ARHGAP4: variants seen among roughly 807,000 people sequenced by gnomAD.
The protein encoded by ARHGAP4 is rho GTPase-activating protein 4.
In ARHGAP4, 25 loss-of-function variants were observed where a neutral mutation model predicts 67.6. The observed-to-expected ratio is 0.37, with a 90% CI of 0.27 to 0.52. The LOEUF (loss-of-function observed/expected upper bound fraction) is 0.52, where lower values mean the gene tolerates loss of function less well. Ranked by LOEUF, ARHGAP4 falls within the 20% of genes least tolerant of loss-of-function variation. The pLI is 0.92. For synonymous variants in ARHGAP4, 448 were observed against 373.7 expected, an observed-to-expected ratio of 1.20 and a Z score of -2.29; for missense variants, 804 against 854.6, an observed-to-expected ratio of 0.94 and a Z score of 0.74.
intron 20 of ARHGAP4, 85 bp from the exon 21 acceptor site, chrX:153,909,254 G>C: frequency 2.1e-6 from 2 of 961,580 alleles, no homozygotes; most frequent in East Asian, 6.7e-5. Flanking sequence ...CTGGGGTGTG[G>C]CCAAGGAAAG....
intron 20 of ARHGAP4, 50 bp downstream of exon 20, chrX:153,909,392 TG>T: frequency 9.1e-7 from 1 of 1,095,743 alleles, no homozygotes; most frequent in Non-Finnish European, 1.2e-6. Flanking sequence ...CAGTCCCCTC[TG>T]GCCTAGAACA....
intron 20 of ARHGAP4, 79 bp downstream of exon 20, chrX:153,909,364 C>G (rs200205320): frequency 1.9e-5 from 13 of 692,706 alleles, no homozygotes; most frequent in Non-Finnish European, 2.5e-5. Context: ...CCCACTCCCA[C>G]TGGCCAAAGC....
chrX:153,921,252 C>A, intron 3 of ARHGAP4, 93 bp from the exon 4 acceptor site: 5 of 1,176,404 alleles, frequency 4.3e-6, no homozygotes, highest in Non-Finnish European at 5.7e-6. Flanking sequence ...ATCGGGGGGG[C>A]ACACAGGTTC....
chrX:153,919,658 G>A (rs2065079010), intron 5 of ARHGAP4: 3 of 1,166,407 alleles, frequency 2.6e-6, no homozygotes, highest in Non-Finnish European at 3.4e-6. Flanking sequence ...ACAGCTGGAA[G>A]CGGCCACAGG....
chrX:153,919,164 G>A lies in ARHGAP4; in HGVS notation c.801C>T (p.Asp267=). The A allele has an allele frequency of 2.5e-6, 3 of 1,212,110 alleles. No homozygotes were observed. Among genetic ancestry groups the A allele is most frequent in the African/African-American group, 3.5e-5 (2 of 57,898 alleles). Residue 267 remains aspartate (D), a synonymous_variant, in exon 6 of 22, where the codon GAC becomes GAT. Transcript: ENST00000350060. Reference sequence around the variant, plus strand: ...CCCACCAAGGACTCACGTCCATGAGGTCCAAGACGTCATGCAGGTAGTAGT... The same window carrying A: ...CCCACCAAGGACTCACGTCCATGAGATCCAAGACGTCATGCAGGTAGTAGT... ...VSNYYLHDVL[D]LMDCCDTGFH... is the part of the protein sequence containing the mutation.
chrX:153,919,567 C>G (rs1557104810), intron 5 of ARHGAP4: 1 of 1,158,088 alleles, frequency 8.6e-7, no homozygotes, highest in Admixed American at 2.7e-5. Flanking sequence ...TCACAGATAC[C>G]TGATGAGTGG....
In ARHGAP4 at chrX:153,907,877, G is replaced by T; in HGVS notation, c.2693C>A (p.Thr898Asn). ...GCTTCGGGGCCCAGGACTGGGAGAGGTGGTAGATGCTGGCCCAAGGCCCTG... is the reference window on the plus strand; with the variant it reads ...GCTTCGGGGCCCAGGACTGGGAGAGTTGGTAGATGCTGGCCCAAGGCCCTG... ...VRQGLGPASTTSPSPGPRSPK... is the reference protein window; with the variant it reads ...VRQGLGPASTNSPSPGPRSPK... The change falls in exon 22 of 22, where the codon ACC becomes AAC. Residue 898 changes from threonine (T) to asparagine (N), a missense_variant. Coordinates refer to ENST00000350060, the MANE Select transcript of ARHGAP4 (RefSeq NM_001666.5). The T allele has an allele frequency of 1.9e-6, 2 of 1,049,918 alleles. No homozygotes were observed. The highest frequency in any genetic ancestry group is 1.2e-6 in the Non-Finnish European group (1 of 811,188). The allele number at this position is 1,049,918 out of a possible 1,213,427, so 86.5% of individuals were successfully genotyped here.
At chrX:153,916,779 A>C (rs145484537) in intron 7 of ARHGAP4, among the ~76,000 whole-genome samples, 3 of 113,316 alleles carry the variant, frequency 2.6e-5, no homozygotes, top group African/African-American at 9.6e-5. Context: ...GAACAGGAGA[A>C]AACAAAAAAC....
At chrX:153,916,396 G>A (rs782214046) in intron 7 of ARHGAP4, among the ~76,000 whole-genome samples, 2 of 113,108 alleles carry the variant, frequency 1.8e-5, no homozygotes, top group Non-Finnish European at 3.7e-5. Context: ...GGCTCCCCAC[G>A]GAGCAGGGCT....
At position 153,909,766 on chromosome X, in the gene ARHGAP4, G is replaced by A. The variant is rs1557102328; in HGVS notation, c.2389C>T (p.His797Tyr). The stretch of plus-strand genomic sequence containing the variant: ...CCGGCGGGCAGCGTGATATACTTGT[G>A]GGGGATGAGGCCCCGCATGCCGTTG... Reference protein sequence around the residue: ...EHNGMRGLIPHKYITLPAGTE... With the variant: ...EHNGMRGLIPYKYITLPAGTE... Residue 797 changes from histidine to tyrosine, a missense_variant, in exon 19 of 22, where the codon CAC (histidine) becomes TAC (tyrosine). By Grantham distance (83) the His-to-Tyr change is moderately conservative. Around this residue, in one of 2 missense-constraint regions of ARHGAP4, gnomAD observed 400 missense variants for 348.7 expected, o/e 1.15. Coordinates refer to ENST00000350060, the MANE Select transcript of ARHGAP4 (RefSeq NM_001666.5). 1.7e-6 allele frequency: 2 copies of A among 1,200,235 alleles called. No individual in the cohort carries two copies.
intron 5 of ARHGAP4, 144 bp downstream of exon 5, chrX:153,920,482 G>T: frequency 2.9e-6 from 2 of 691,843 alleles, no homozygotes; most frequent in Non-Finnish European, 4.1e-6. Flanking sequence ...GGAGCCTTCC[G>T]TATGGAATCC....
In ARHGAP4 at chrX:153,907,924, G is replaced by C; in HGVS notation, c.2646C>G (p.Leu882=). ...AQNMDSVFKE[L]LGKTSVRQGL... is the part of the protein sequence containing the mutation. ...CCTGGCGGACAGAGGTCTTTCCCAA[G>C]AGCTCCTTAAACACAGAGTCCATGT... is the stretch of plus-strand genomic sequence containing the variant. Residue 882 remains leucine (L), a synonymous_variant, in exon 22 of 22, where the codon CTC becomes CTG. Coordinates refer to ENST00000350060, the MANE Select transcript of ARHGAP4 (RefSeq NM_001666.5). 1 of 1,078,976 alleles carries C rather than the reference G, an allele frequency of 9.3e-7. No individual in the cohort carries two copies. The highest frequency in any genetic ancestry group is 1.2e-6 in the Non-Finnish European group (1 of 827,059). The allele number at this position is 1,078,976 out of a possible 1,213,427, so 88.9% of individuals were successfully genotyped here.
In ARHGAP4 at chrX:153,907,919, C is replaced by T. The variant is rs1557101646; in HGVS notation, c.2651G>A (p.Gly884Glu). 7.4e-6 allele frequency: 8 copies of T among 1,075,568 alleles called. No individual in the cohort carries two copies. The South Asian group carries it at 2.2e-4, about 29-fold the overall frequency. 88.6% of individuals were successfully genotyped at this position (1,075,568 alleles called of 1,213,427 possible). ...AAGGCCCTGGCGGACAGAGGTCTTT[C>T]CCAAGAGCTCCTTAAACACAGAGTC... ...NMDSVFKELLGKTSVRQGLGP... is the reference protein window; with the variant it reads ...NMDSVFKELLEKTSVRQGLGP... Residue 884 changes from glycine (G) to glutamate (E), a missense_variant, in exon 22 of 22, where the codon GGA (glycine) becomes GAA (glutamate). By Grantham distance (98) the Gly-to-Glu change is moderately conservative. Transcript: ENST00000350060.
In ARHGAP4 at chrX:153,926,229, C is replaced by G. The variant is rs782597567; in HGVS notation, c.-27G>C. ...GCGGCCTCGCGGCCGCGCCGTCGAA[C>G]CCCACTGCTCCCACGCGGCCGTGAG... On this transcript the variant is annotated 5_prime_UTR_variant, in exon 1 of 22. Coordinates refer to ENST00000350060, the MANE Select transcript of ARHGAP4 (RefSeq NM_001666.5). 83 of 1,145,692 alleles carry G rather than the reference C, an allele frequency of 7.2e-5. No homozygotes were observed. In the African/African-American group the frequency reaches 1.5e-3, roughly 21 times the overall value. The allele number at this position is 1,145,692 out of a possible 1,213,427, so 94.4% of individuals were successfully genotyped here.
chrX:153,908,113 C>G (rs1399895546), intron 21 of ARHGAP4, 151 bp from the exon 22 acceptor site: 2 of 363,945 alleles, frequency 5.5e-6, no homozygotes, highest in Non-Finnish European at 4.5e-6. Flanking sequence ...CCACTTTGCA[C>G]CTGGCATCCC....
In ARHGAP4 at chrX:153,910,254, G is replaced by A. The variant is rs782034668; in HGVS notation, c.2073C>T (p.Pro691=). 110 of 1,209,138 alleles carry A rather than the reference G, an allele frequency of 9.1e-5. No homozygotes were observed. Among genetic ancestry groups the A allele is most frequent in the Non-Finnish European group, 1.1e-4 (102 of 894,956 alleles). ...NQLVQTLIVQ[P]DRVFPPLTSL... ...AGGTCAGGGGCGGGAAGACCCGATCGGGCTGCACTATGAGCGTCTGCACCA... is the reference window on the plus strand; with the variant it reads ...AGGTCAGGGGCGGGAAGACCCGATCAGGCTGCACTATGAGCGTCTGCACCA... The change falls in exon 17 of 22, where the codon CCC becomes CCT. Residue 691 remains proline, a synonymous_variant. Coordinates refer to ENST00000350060, the MANE Select transcript of ARHGAP4 (RefSeq NM_001666.5).
intron 5 of ARHGAP4, 37 bp from the exon 6 acceptor site, chrX:153,919,320 C>A: frequency 8.3e-7 from 1 of 1,211,691 alleles, no homozygotes. Flanking sequence ...GGGTCACGCA[C>A]GTGGCCAGCC....
chrX:153,908,762 T>G (rs1294268697), intron 21 of ARHGAP4, among the ~76,000 whole-genome samples: 1 of 112,146 alleles, frequency 8.9e-6, no homozygotes, highest in Non-Finnish European at 1.9e-5. Flanking sequence ...GTAAACAGCC[T>G]TAACTCAGCC....
chrX:153,917,169 T>C (rs924419022), intron 7 of ARHGAP4, among the ~76,000 whole-genome samples: 8 of 111,255 alleles, frequency 7.2e-5, no homozygotes, highest in Non-Finnish European at 1.5e-4. Flanking sequence ...TGAGCCGACA[T>C]TGCGCCACTG....
Sources: allele counts gnomAD v4.1 joint callset (sites outside exome capture counted in the v4.1 genomes callset), GRCh38; gene constraint gnomAD v4.1.1; regional missense constraint gnomAD v4.1.1; transcripts MANE v1.5; gene names NCBI Gene and HGNC (gene_info 2026-07-23, HGNC 2026-07-21).